Variants in LRP1B observed in about 807,000 individuals in gnomAD.
LRP1B encodes LDL receptor related protein 1B.
LRP1B carries 217 observed loss-of-function variants against 556.6 expected under a neutral mutation model. The observed-to-expected ratio is 0.39, with a 90% confidence interval of 0.35 to 0.44. The LOEUF is 0.44. LRP1B is among the 20% of genes least tolerant of loss of function. The pLI is 1.00. For synonymous variants in LRP1B, 2,047 were observed against 1,865.8 expected (o/e 1.10, Z -2.50); for missense variants, 5,053 against 5,620.8 (o/e 0.90, Z 3.23).
intron 87 of LRP1B, among the ~76,000 whole-genome samples, chr2:140,245,435 G>T (rs1681108733): frequency 6.6e-6 from 1 of 151,346 alleles, no homozygotes; most frequent in South Asian, 2.1e-4. Flanking sequence ...TTTCTTGTCA[G>T]AGTTTTAAAA....
chr2:141,787,822 T>A (rs1345309973), intron 2 of LRP1B, among the ~76,000 whole-genome samples: 16 of 151,966 alleles, frequency 1.1e-4, no homozygotes, highest in Non-Finnish European at 2.2e-4. Flanking sequence ...ATGTTGCTCA[T>A]CTTTAAACTA....
chr2:141,087,137 C>G (rs1700066588), intron 7 of LRP1B, among the ~76,000 whole-genome samples: 1 of 152,166 alleles, frequency 6.6e-6, no homozygotes, highest in South Asian at 2.1e-4. Flanking sequence ...TCCAAACTTT[C>G]ATTCCTTGTA....
chr2:140,773,817 T>C (rs1210398733), intron 33 of LRP1B, among the ~76,000 whole-genome samples: 1 of 151,930 alleles, frequency 6.6e-6, no homozygotes, highest in Admixed American at 6.6e-5. Flanking sequence ...GTTCTTTTTC[T>C]GTTAAATATA....
At chr2:141,518,560 A>T (rs1684409428) in intron 2 of LRP1B, among the ~76,000 whole-genome samples, 1 of 152,126 alleles carries the variant, frequency 6.6e-6, no homozygotes, top group South Asian at 2.1e-4. Context: ...TAAAAAATTG[A>T]TCTTGTTGTT....
At chr2:140,381,511 C>T (rs1683485414) in intron 67 of LRP1B, among the ~76,000 whole-genome samples, 1 of 152,072 alleles carries the variant, frequency 6.6e-6, no homozygotes, top group Admixed American at 6.6e-5. Flanking sequence ...AACCAAGAAG[C>T]TTTTGCAGGG....
intron 6 of LRP1B, among the ~76,000 whole-genome samples, chr2:141,224,163 C>CAA (rs1349962300): frequency 5.0e-5 from 7 of 140,272 alleles, no homozygotes; most frequent in African/African-American, 7.6e-5. Context: ...CACACACACA[C>CAA]ACAAACATTA....
chr2:141,613,761 C>T (rs12475186), intron 2 of LRP1B, among the ~76,000 whole-genome samples: 138,273 of 152,162 alleles, frequency 0.91, 64,307 homozygotes, highest in East Asian at 1. Flanking sequence ...AAGAATACTA[C>T]GGTCAAATTC....
chr2:142,124,852 G>A (rs1413162142), intron 1 of LRP1B, among the ~76,000 whole-genome samples: 1 of 151,342 alleles, frequency 6.6e-6, no homozygotes, highest in African/African-American at 2.4e-5. Flanking sequence ...TTTCTTCATA[G>A]AATCTCAATT....
intron 43 of LRP1B, among the ~76,000 whole-genome samples, chr2:140,597,364 G>T (rs775371477): frequency 4.0e-5 from 6 of 151,880 alleles, no homozygotes; most frequent in Admixed American, 6.6e-5. Flanking sequence ...TGCAAAATAG[G>T]TATATACAAA....
At chr2:141,252,166 C>T (rs1400723770) in intron 4 of LRP1B, among the ~76,000 whole-genome samples, 1 of 151,630 alleles carries the variant, frequency 6.6e-6, no homozygotes, top group East Asian at 1.9e-4. Flanking sequence ...ATGGGGTTGC[C>T]TTTCTCCTGT....
intron 71 of LRP1B, among the ~76,000 whole-genome samples, chr2:140,368,103 A>C (rs1265265576): frequency 6.6e-6 from 1 of 151,832 alleles, no homozygotes; most frequent in African/African-American, 2.4e-5. Context: ...CTACTGTGAC[A>C]TCTTGAGACT....
intron 1 of LRP1B, among the ~76,000 whole-genome samples, chr2:142,118,134 T>C (rs1280520049): frequency 6.6e-6 from 1 of 152,128 alleles, no homozygotes; most frequent in African/African-American, 2.4e-5. Flanking sequence ...GGTTCCTTTA[T>C]ATGATTTTTT....
chr2:140,979,534 T>G (rs1696702840), intron 18 of LRP1B, among the ~76,000 whole-genome samples: 1 of 152,136 alleles, frequency 6.6e-6, no homozygotes, highest in Admixed American at 6.6e-5. Flanking sequence ...AATTCCACAT[T>G]CAGAGAATCA....
intron 15 of LRP1B, among the ~76,000 whole-genome samples, chr2:140,995,037 A>G (rs1047486777): frequency 6.6e-6 from 1 of 152,024 alleles, no homozygotes; most frequent in African/African-American, 2.4e-5. Flanking sequence ...CTCAGGGCAC[A>G]TATCATGCTG....
At chr2:140,990,174 C>A (rs1697050097) in intron 16 of LRP1B, among the ~76,000 whole-genome samples, 1 of 149,658 alleles carries the variant, frequency 6.7e-6, no homozygotes, top group Admixed American at 6.7e-5. Context: ...TCGCTGTGGA[C>A]AACAAAAGCG....
chr2:140,500,935 G>A (rs1463135376), intron 55 of LRP1B, among the ~76,000 whole-genome samples: 2 of 151,886 alleles, frequency 1.3e-5, no homozygotes, highest in African/African-American at 2.4e-5. Flanking sequence ...ATACAGAGTT[G>A]TTGCTCCATT....
At chr2:142,122,984 A>C (rs1215192902) in intron 1 of LRP1B, among the ~76,000 whole-genome samples, 1 of 152,072 alleles carries the variant, frequency 6.6e-6, no homozygotes, top group Admixed American at 6.6e-5. Flanking sequence ...TAGCTCAGCT[A>C]CTTGATCTGA....
At chr2:140,558,715 G>A (rs999176445) in intron 43 of LRP1B, among the ~76,000 whole-genome samples, 12 of 151,924 alleles carry the variant, frequency 7.9e-5, no homozygotes, top group African/African-American at 2.7e-4. Flanking sequence ...AAGGCGAGGG[G>A]ATCACTTGAG....
Position 140,481,739 on chromosome 2 carries a change from GA to G in LRP1B, c.9425+3603del, listed in dbSNP as rs111897321. Reference sequence around the variant, plus strand: ...CTCCTCTACCTGTTTGCCAAAGACAGAAGCCTTGTAATGTTTGTTATTTGCT... The same window carrying G: ...CTCCTCTACCTGTTTGCCAAAGACAGAGCCTTGTAATGTTTGTTATTTGCT... On this transcript the variant is annotated intron_variant, in intron 59 of 90. Coordinates refer to ENST00000389484, the MANE Select transcript of LRP1B (RefSeq NM_018557.3). Among the ~76,000 whole-genome samples, 750 of 152,028 alleles carry G rather than the reference GA, an allele frequency of 4.9e-3. 8 individuals carry two copies. Among genetic ancestry groups the G allele is most frequent in the African/African-American group, 0.015 (642 of 41,494 alleles).
Sources: allele counts gnomAD v4.1 joint callset (sites outside exome capture counted in the v4.1 genomes callset), GRCh38; gene constraint gnomAD v4.1.1; transcripts MANE v1.5; gene names NCBI Gene and HGNC (gene_info 2026-07-23, HGNC 2026-07-21).